The following SLC24A3 variants were observed in gnomAD, a reference collection of about 807,000 sequenced individuals.
SLC24A3 encodes sodium/potassium/calcium exchanger 3.
A neutral mutation model predicts 75.8 loss-of-function variants in SLC24A3; 28 were observed. The observed-to-expected ratio is 0.37, with a 90% CI of 0.27 to 0.51. The LOEUF (loss-of-function observed/expected upper bound fraction) is 0.51, where lower values mean the gene tolerates loss of function less well. Among genes scored for constraint, SLC24A3 ranks in the 20% least tolerant of loss-of-function variants. SLC24A3 has a pLI of 0.94. For missense variants in SLC24A3, 663 were observed against 847.8 expected, an observed-to-expected ratio of 0.78 and a Z score of 2.71; for synonymous variants, 372 against 334.1, an observed-to-expected ratio of 1.11 and a Z score of -1.24.
At chr20:19,683,424 G>A (rs993808292) in intron 10 of SLC24A3, among the ~76,000 whole-genome samples, 12 of 152,146 alleles carry the variant, frequency 7.9e-5, no homozygotes, top group African/African-American at 1.7e-4. Context: ...TGGACCCTTC[G>A]TGCAACATTA....
rs866165227 is a variant in SLC24A3, at chr20:19,323,075, G to A, written c.271+41988G>A. Among the ~76,000 whole-genome samples the A allele has an allele frequency of 3.1e-3, 467 of 151,252 alleles. 3 individuals are homozygous for A. Among genetic ancestry groups the A allele is most frequent in the African/African-American group, 0.011 (447 of 41,190 alleles). On this transcript the variant is annotated intron_variant, in intron 2 of 16. Transcript: ENST00000328041. ...CAAAAAATTAGCCGGGCGTGGTAGC[G>A]GGCGCCTGTAGTCCCAGCTACTCGG...
At chr20:19,364,128 G>GT (rs1308407335) in intron 2 of SLC24A3, among the ~76,000 whole-genome samples, 1 of 152,156 alleles carries the variant, frequency 6.6e-6, no homozygotes, top group Non-Finnish European at 1.5e-5. Flanking sequence ...GGGGTGGTGG[G>GT]TTTTATCGTT....
intron 9 of SLC24A3, among the ~76,000 whole-genome samples, chr20:19,680,717 G>T (rs1222170888): frequency 6.6e-6 from 1 of 152,220 alleles, no homozygotes; most frequent in Non-Finnish European, 1.5e-5. Context: ...AGCCACAGAG[G>T]ACCTCTTCGT....
intron 6 of SLC24A3, among the ~76,000 whole-genome samples, chr20:19,629,011 A>G (rs2031901502): frequency 1.3e-5 from 2 of 152,196 alleles, no homozygotes; most frequent in South Asian, 4.1e-4. Flanking sequence ...ACATGGCCCA[A>G]TAAAAGGAAA....
At chr20:19,438,836 C>T (rs1296743693) in intron 2 of SLC24A3, among the ~76,000 whole-genome samples, 2 of 152,190 alleles carry the variant, frequency 1.3e-5, no homozygotes, top group East Asian at 1.9e-4. Flanking sequence ...GTAAGCTGCT[C>T]GTTGGCCTCT....
chr20:19,654,099 CTATT>C lies in SLC24A3; in HGVS notation c.653_656del (p.Ile218ThrfsTer6). ...TCCTCCTGGTGCCTGCTGAGGGATTCTATTTACTACACGCTGTCTGTGATCGCGC... is the reference window on the plus strand; with the variant it reads ...TCCTCCTGGTGCCTGCTGAGGGATTCTACTACACGCTGTCTGTGATCGCGC... On this transcript the variant is annotated frameshift_variant, in exon 7 of 17. Transcript: ENST00000328041. LOFTEE classifies it high-confidence loss of function. 6.2e-7 allele frequency: 1 copy of C among 1,613,784 alleles called. No homozygotes were observed. Among genetic ancestry groups the C allele is most frequent in the Non-Finnish European group, 8.5e-7 (1 of 1,179,768 alleles).
chr20:19,496,045 C>T (rs1411256053), intron 2 of SLC24A3, among the ~76,000 whole-genome samples: 3 of 152,176 alleles, frequency 2.0e-5, no homozygotes, highest in Admixed American at 6.5e-5. Flanking sequence ...ACTGAGAAGA[C>T]ACTCTCCCTG....
intron 6 of SLC24A3, among the ~76,000 whole-genome samples, chr20:19,629,957 A>T (rs1320996294): frequency 6.6e-6 from 1 of 152,240 alleles, no homozygotes; most frequent in Non-Finnish European, 1.5e-5. Context: ...GTATACAAAA[A>T]TATGAAGCTC....
intron 6 of SLC24A3, among the ~76,000 whole-genome samples, chr20:19,641,936 A>G (rs1211509962): frequency 6.6e-6 from 1 of 152,218 alleles, no homozygotes; most frequent in Non-Finnish European, 1.5e-5. Flanking sequence ...TTAGGGTCTT[A>G]CCTCAACAAG....
intron 3 of SLC24A3, among the ~76,000 whole-genome samples, chr20:19,523,284 A>G (rs1171794906): frequency 2.0e-5 from 3 of 152,206 alleles, no homozygotes; most frequent in African/African-American, 7.2e-5. Context: ...CCCAGCAACA[A>G]CTCACTTGCA....
At chr20:19,218,871 A>G (rs528800446) in intron 1 of SLC24A3, among the ~76,000 whole-genome samples, 74 of 152,124 alleles carry the variant, frequency 4.9e-4, no homozygotes, top group Non-Finnish European at 8.8e-4. Context: ...TTGGAGGAAT[A>G]ATAGTACACA....
intron 2 of SLC24A3, among the ~76,000 whole-genome samples, chr20:19,488,899 C>T (rs141381281): frequency 2.0e-5 from 3 of 152,276 alleles, no homozygotes; most frequent in East Asian, 1.9e-4. Flanking sequence ...TGTCTCAGCC[C>T]ACCAATGTGG....
intron 2 of SLC24A3, among the ~76,000 whole-genome samples, chr20:19,361,154 G>A (rs1192609749): frequency 2.6e-5 from 4 of 152,174 alleles, no homozygotes; most frequent in African/African-American, 9.7e-5. Flanking sequence ...TAGACATTCT[G>A]TTCTTTTGCA....
intron 2 of SLC24A3, among the ~76,000 whole-genome samples, chr20:19,477,348 C>T (rs895290200): frequency 6.6e-6 from 1 of 152,124 alleles, no homozygotes. Flanking sequence ...ATGCCACTAA[C>T]GTTTACAGGA....
intron 2 of SLC24A3, among the ~76,000 whole-genome samples, chr20:19,324,452 G>A (rs1305031058): frequency 6.6e-6 from 1 of 152,196 alleles, no homozygotes; most frequent in Non-Finnish European, 1.5e-5. Context: ...TCTAACAGAT[G>A]AGTGGGAAGT....
chr20:19,664,620 A>G (rs900798176), intron 7 of SLC24A3, among the ~76,000 whole-genome samples: 3 of 152,158 alleles, frequency 2.0e-5, no homozygotes, highest in African/African-American at 4.8e-5. Context: ...GGCTGATGCC[A>G]TGCCCGCTTT....
intron 2 of SLC24A3, among the ~76,000 whole-genome samples, chr20:19,356,297 T>C (rs1985680291): frequency 6.6e-6 from 1 of 152,226 alleles, no homozygotes; most frequent in Non-Finnish European, 1.5e-5. Flanking sequence ...AATCTGTTCC[T>C]TTCTCCCAAG....
At position 19,434,112 on chromosome 20, in the gene SLC24A3, T is replaced by C. The variant is rs147087352; in HGVS notation, c.272-81376T>C. Among the ~76,000 whole-genome samples the C allele has an allele frequency of 5.2e-4, 79 of 152,332 alleles. No homozygotes were observed. The East Asian group carries it at 0.013, about 26-fold the overall frequency. ...TACAGGAAATGAAAGACGTGATTAA[T>C]ACACATCACTGAGCTGAAATGTCAG... is the stretch of plus-strand genomic sequence containing the variant. On this transcript the variant is annotated intron_variant, in intron 2 of 16. Transcript: ENST00000328041.
intron 12 of SLC24A3, among the ~76,000 whole-genome samples, chr20:19,692,119 A>G (rs901381275): frequency 6.6e-6 from 1 of 152,252 alleles, no homozygotes; most frequent in African/African-American, 2.4e-5. Context: ...AAATTATAAA[A>G]TACATTTTAT....
Sources: gnomAD v4.1 joint callset for allele counts (sites outside exome capture counted in the v4.1 genomes callset) on GRCh38, gnomAD v4.1.1 for gene constraint, MANE v1.5 for transcripts, NCBI Gene and HGNC (gene_info 2026-07-23, HGNC 2026-07-21) for gene names.